Variants in PPP3CA observed in about 807,000 individuals in gnomAD.
The protein encoded by PPP3CA is CAM-PRP catalytic subunit.
In PPP3CA, 14 loss-of-function variants were observed where a neutral mutation model predicts 66.5. The observed-to-expected ratio is 0.21, with a 90% confidence interval of 0.14 to 0.33. The LOEUF (loss-of-function observed/expected upper bound fraction) is 0.33, where lower values mean the gene tolerates loss of function less well. PPP3CA is among the 10% of genes least tolerant of loss of function. The pLI is 1.00. For synonymous variants in PPP3CA, 232 were observed against 226.2 expected, an observed-to-expected ratio of 1.03 and a Z score of -0.23; for missense variants, 317 against 639.5, an observed-to-expected ratio of 0.50 and a Z score of 5.44.
At chr4:101,156,191 C>A (rs369287315) in intron 2 of PPP3CA, among the ~76,000 whole-genome samples, 5 of 152,280 alleles carry the variant, frequency 3.3e-5, no homozygotes, top group African/African-American at 1.2e-4. Context: ...TTGAATAGTT[C>A]TTTTCAGTGA....
At chr4:101,139,696 G>GTTTTTTTTTTTTTTTTTTTTTTTTTGT (rs372257350) in intron 2 of PPP3CA, among the ~76,000 whole-genome samples, 3 of 98,404 alleles carry the variant, frequency 3.0e-5, no homozygotes, top group Non-Finnish European at 5.9e-5. Flanking sequence ...TTTTTTTTGT[G>GTTTTTTTTTTTTTTTTTTTTTTTTTGT]TTTTTTTTTT....
chr4:101,106,458 A>G (rs371280998), intron 3 of PPP3CA, among the ~76,000 whole-genome samples: 5,316 of 32,048 alleles, frequency 0.17, 1,226 homozygotes, highest in African/African-American at 0.46. Context: ...AGAAAGAGAA[A>G]AGAAAAGAAA....
chr4:101,270,739 CTT>C (rs1727311930), intron 1 of PPP3CA, among the ~76,000 whole-genome samples: 1 of 152,124 alleles, frequency 6.6e-6, no homozygotes, highest in Non-Finnish European at 1.5e-5. Flanking sequence ...TAGTGAAGTC[CTT>C]GATGCCCTAC....
intron 6 of PPP3CA, among the ~76,000 whole-genome samples, chr4:101,087,062 G>C (rs1414508329): frequency 6.6e-6 from 1 of 152,174 alleles, no homozygotes; most frequent in African/African-American, 2.4e-5. Context: ...TCCAGTAATA[G>C]GGAAGACCCT....
At chr4:101,097,648 A>T (rs1044320679) in intron 5 of PPP3CA, among the ~76,000 whole-genome samples, 1 of 152,144 alleles carries the variant, frequency 6.6e-6, no homozygotes, top group Non-Finnish European at 1.5e-5. Context: ...ACATCATTGC[A>T]ATCAGAGTTA....
intron 6 of PPP3CA, among the ~76,000 whole-genome samples, chr4:101,092,451 G>GT (rs1005230545): frequency 2.7e-5 from 4 of 150,606 alleles, no homozygotes; most frequent in South Asian, 2.1e-4. Context: ...TAATACTGGA[G>GT]TTTTTTTTAA....
chr4:101,135,936 T>C (rs1408027672), intron 2 of PPP3CA, among the ~76,000 whole-genome samples: 1 of 152,244 alleles, frequency 6.6e-6, no homozygotes, highest in Non-Finnish European at 1.5e-5. Flanking sequence ...CTATGATATA[T>C]TGAACTATTC....
At chr4:101,190,813 T>A (rs1386401440) in intron 2 of PPP3CA, among the ~76,000 whole-genome samples, 1 of 152,180 alleles carries the variant, frequency 6.6e-6, no homozygotes, top group Non-Finnish European at 1.5e-5. Context: ...AGAAACACAC[T>A]TTTTATTTAA....
rs79431682 is a variant in PPP3CA, at chr4:101,257,833, A to G, written c.59-61717T>C. On this transcript the variant is annotated intron_variant, in intron 1 of 13. Coordinates refer to ENST00000394854, the MANE Select transcript of PPP3CA (RefSeq NM_000944.5). ...AGGAACATTTTACATTTGTCTCTCT[A>G]TCATCAATGTGGACAATTCTAAAGG... Among the ~76,000 whole-genome samples the G allele has an allele frequency of 9.1e-4, 138 of 152,244 alleles. 1 individual carries two copies. In the East Asian group the frequency reaches 0.026, roughly 28 times the overall value.
At position 101,345,770 on chromosome 4, in the gene PPP3CA, T is replaced by G. The variant is rs562018910; in HGVS notation, c.58+969A>C. Among the ~76,000 whole-genome samples, 7 of 152,272 alleles carry G rather than the reference T, an allele frequency of 4.6e-5. No homozygotes were observed. The South Asian group carries it at 6.2e-4, about 14-fold the overall frequency. ...AGTTTCTCTTTGCCAGCAACCTCAGTGCATCCTTGCCAGGAGTTTATCATC... is the reference window on the plus strand; with the variant it reads ...AGTTTCTCTTTGCCAGCAACCTCAGGGCATCCTTGCCAGGAGTTTATCATC... On this transcript the variant is annotated intron_variant, in intron 1 of 13. Coordinates refer to ENST00000394854, the MANE Select transcript of PPP3CA (RefSeq NM_000944.5).
At chr4:101,082,945 T>G (rs970622676) in intron 7 of PPP3CA, among the ~76,000 whole-genome samples, 3 of 152,130 alleles carry the variant, frequency 2.0e-5, no homozygotes, top group Admixed American at 2.0e-4. Context: ...GAAATCAAGC[T>G]GAAAATGGAC....
chr4:101,223,019 T>C (rs1386912650), intron 1 of PPP3CA, among the ~76,000 whole-genome samples: 1 of 151,788 alleles, frequency 6.6e-6, no homozygotes, highest in African/African-American at 2.4e-5. Context: ...TTACTTTCAA[T>C]AAATTACAGA....
At chr4:101,241,480 A>T (rs1343947483) in intron 1 of PPP3CA, among the ~76,000 whole-genome samples, 2 of 152,178 alleles carry the variant, frequency 1.3e-5, no homozygotes, top group Non-Finnish European at 2.9e-5. Context: ...AGAATATTTT[A>T]AAATAATTTC....
At position 101,124,719 on chromosome 4, in the gene PPP3CA, AAGAAAGAG is replaced by A. The variant is rs1258245000; in HGVS notation, c.260-15649_260-15642del. 2.1e-3 allele frequency among the ~76,000 whole-genome samples: 165 copies of A among 79,700 alleles called. 1 individual carries two copies. The highest frequency in any genetic ancestry group is 6.9e-3 in the African/African-American group (153 of 22,214). 52.3% of individuals were successfully genotyped at this position (79,700 alleles called of 152,430 possible). On this transcript the variant is annotated intron_variant, in intron 2 of 13. Transcript: ENST00000394854. ...AAAGAAAGAAAGAAAGAAAGAAAGA[AAGAAAGAG>A]AAAGAAAGAAAGAAAGAAAGAAAGA... is the stretch of plus-strand genomic sequence containing the variant.
At chr4:101,216,402 G>T (rs1457205664) in intron 1 of PPP3CA, among the ~76,000 whole-genome samples, 2 of 151,952 alleles carry the variant, frequency 1.3e-5, no homozygotes, top group Non-Finnish European at 2.9e-5. Flanking sequence ...CCCAATCATG[G>T]TGTTATGAAT....
Position 101,321,874 on chromosome 4 carries a change from C to T in PPP3CA, c.58+24865G>A, listed in dbSNP as rs146308940. 9.9e-4 allele frequency among the ~76,000 whole-genome samples: 151 copies of T among 152,276 alleles called. 2 individuals are homozygous for T. The highest frequency in any genetic ancestry group is 3.4e-3 in the African/African-American group (142 of 41,560). On this transcript the variant is annotated intron_variant, in intron 1 of 13. Transcript: ENST00000394854. ...GTACTCTGTGAAGAAAGAGGAAAAA[C>T]AAGCCGACCAAAAAGGTGGCTGTTG...
intron 2 of PPP3CA, among the ~76,000 whole-genome samples, chr4:101,192,074 A>T (rs1320477784): frequency 6.6e-6 from 1 of 152,222 alleles, no homozygotes; most frequent in Non-Finnish European, 1.5e-5. Flanking sequence ...TTCTCTGCTA[A>T]GTGAAAGGAA....
At chr4:101,083,150 A>T (rs1424520150) in intron 7 of PPP3CA, 36 bp downstream of exon 7, 3 of 1,369,006 alleles carry the variant, frequency 2.2e-6, no homozygotes, top group Non-Finnish European at 2.9e-6. Flanking sequence ...GAAAATGGAC[A>T]ATGCATGGTT....
intron 1 of PPP3CA, among the ~76,000 whole-genome samples, chr4:101,285,060 A>C (rs1727795393): frequency 6.6e-6 from 1 of 151,970 alleles, no homozygotes; most frequent in African/African-American, 2.4e-5. Context: ...ACAAACACAA[A>C]CCCAAATACT....
Sources: gnomAD v4.1 joint callset for allele counts (sites outside exome capture counted in the v4.1 genomes callset) on GRCh38, gnomAD v4.1.1 for gene constraint, MANE v1.5 for transcripts, NCBI Gene and HGNC (gene_info 2026-07-23, HGNC 2026-07-21) for gene names.